The following MRM3 variants were observed in gnomAD, a reference collection of about 807,000 sequenced individuals.
MRM3 encodes mitochondrial rRNA methyltransferase 3.
In MRM3, 26 loss-of-function variants were observed where a neutral mutation model predicts 29.4. That is an observed-to-expected ratio of 0.89 (90% CI 0.65 to 1.23). The LOEUF is 1.23. MRM3 is among the 50% of genes most tolerant of loss of function. The probability of loss-of-function intolerance (pLI) is 0.00; values close to 1 mark genes in which losing one functional copy is unlikely to be tolerated. For missense variants in MRM3, 578 were observed against 540.2 expected (o/e 1.07, Z -0.69); for synonymous variants, 225 against 219.0 (o/e 1.03, Z -0.24).
rs763605359 is a variant in MRM3 at position 791,558 on chromosome 17, A to G, written c.752A>G (p.Lys251Arg). The G allele has an allele frequency of 2.2e-5, 36 of 1,613,634 alleles. No individual in the cohort carries two copies. Among genetic ancestry groups the G allele is most frequent in the Admixed American group, 3.3e-5 (2 of 59,996 alleles). The part of the protein sequence containing the change: ...TKGCVDAWEP[K>R]VLRAGMGAHF... Reference sequence around the variant, plus strand: ...GGCTGTGTGGATGCCTGGGAGCCCAAAGTGCTCCGGGCGGGTATGGGCGCA... The same window carrying G: ...GGCTGTGTGGATGCCTGGGAGCCCAGAGTGCTCCGGGCGGGTATGGGCGCA... The change falls in exon 4 of 4, where the codon AAA becomes AGA. Residue 251 changes from lysine to arginine, a missense_variant. Transcript: ENST00000304478.
At chr17:783,058 T>G (rs758705940) in intron 1 of MRM3, 25 bp from the exon 2 acceptor site, 206 of 865,252 alleles carry the variant, frequency 2.4e-4, no homozygotes, top group East Asian at 1.3e-3. Context: ...AGTTACCTGT[T>G]TTTTTTTTTT....
Position 782,599 on chromosome 17 carries a change from A to C in MRM3, c.221A>C (p.Gln74Pro), listed in dbSNP as rs913501867. The part of the protein sequence containing the change: ...EASAQEQREK[Q>P]PLEESASRAP... Reference sequence around the variant, plus strand: ...AGTGCCCAGGAGCAACGAGAGAAACAACCGCTCGAGGAGTCCGCATCCCGC... The same window carrying C: ...AGTGCCCAGGAGCAACGAGAGAAACCACCGCTCGAGGAGTCCGCATCCCGC... The change falls in exon 1 of 4, where the codon CAA becomes CCA. Residue 74 changes from glutamine to proline, a missense_variant. By Grantham distance (76) the Gln-to-Pro change is moderately conservative (BLOSUM62 -1). Transcript: ENST00000304478. 1.4e-5 allele frequency: 22 copies of C among 1,613,960 alleles called. No individual in the cohort carries two copies. The highest frequency in any genetic ancestry group is 1.8e-5 in the Non-Finnish European group (21 of 1,180,026).
chr17:791,535 CTG>C lies in MRM3; in HGVS notation c.734_735del (p.Val245GlyfsTer23). On this transcript the variant is annotated frameshift_variant and splice_region_variant, in exon 4 of 4. Coordinates refer to ENST00000304478, the MANE Select transcript of MRM3 (RefSeq NM_018146.4). LOFTEE classifies it high-confidence loss of function. ...GCSKVLLTKG[C>X]VDAWEPKVLR... ...GATTGTTTCCTTTTTATTTTCCAGGCTGTGTGGATGCCTGGGAGCCCAAAGTG... is the reference window on the plus strand; with the variant it reads ...GATTGTTTCCTTTTTATTTTCCAGGCTGTGGATGCCTGGGAGCCCAAAGTG... 6.2e-7 allele frequency: 1 copy of C among 1,611,730 alleles called. No homozygotes were observed. The highest frequency in any genetic ancestry group is 8.5e-7 in the Non-Finnish European group (1 of 1,178,354).
intron 2 of MRM3, among the ~76,000 whole-genome samples, chr17:786,723 A>G (rs1218749188): frequency 6.6e-6 from 1 of 152,162 alleles, no homozygotes; most frequent in East Asian, 1.9e-4. Context: ...ACAGGTATTT[A>G]TGAGTTCCTG....
intron 1 of MRM3, 140 bp from the exon 2 acceptor site, chr17:782,943 C>T (rs1164918874): frequency 1.2e-5 from 15 of 1,266,914 alleles, no homozygotes; most frequent in Non-Finnish European, 1.6e-5. Flanking sequence ...CCGCCTCGGC[C>T]TCCCAATGTG....
intron 3 of MRM3, 111 bp downstream of exon 3, chr17:788,243 C>G: frequency 3.0e-6 from 3 of 1,004,156 alleles, no homozygotes; most frequent in Non-Finnish European, 4.4e-6. Flanking sequence ...TCCTGGGCAA[C>G]ATAGTGAGAC....
rs150450629 is a variant in MRM3 at position 791,970 on chromosome 17, C to T, written c.1164C>T (p.Ser388=). Residue 388 remains serine (S), a synonymous_variant, in exon 4 of 4, where the codon AGC becomes AGT. Transcript: ENST00000304478. ...TCCCCGTTGTGCCTGGTGTGGACAGCCTCAACTCGGCCATGGCGGCAAGCA... is the reference window on the plus strand; with the variant it reads ...TCCCCGTTGTGCCTGGTGTGGACAGTCTCAACTCGGCCATGGCGGCAAGCA... ...LLIPVVPGVD[S]LNSAMAASIL... is the part of the protein sequence containing the mutation. The T allele has an allele frequency of 1.4e-4, 226 of 1,614,044 alleles. No homozygotes were observed. In the African/African-American group the frequency reaches 1.5e-3, roughly 10 times the overall value.
chr17:783,094 C>T lies in MRM3; in HGVS notation c.326C>T (p.Thr109Ile), dbSNP rs376823051. Reference sequence around the variant, plus strand: ...ATTTCCATCTACAGCAGTGTAATGACAATAGTAAAGTCCAGGCCATTTCGG... The same window carrying T: ...ATTTCCATCTACAGCAGTGTAATGATAATAGTAAAGTCCAGGCCATTTCGG... The part of the protein sequence containing the change: ...PGDRRLSSVM[T>I]IVKSRPFREK... Residue 109 changes from threonine (T) to isoleucine (I), a missense_variant, in exon 2 of 4, where the codon ACA becomes ATA. Thr to Ile is a moderately conservative substitution (Grantham distance 89). Coordinates refer to ENST00000304478, the MANE Select transcript of MRM3 (RefSeq NM_018146.4). 9 of 1,611,778 alleles carry T rather than the reference C, an allele frequency of 5.6e-6. No homozygotes were observed. The East Asian group carries it at 8.9e-5, about 16-fold the overall frequency.
At chr17:784,220 C>T (rs1034987064) in intron 2 of MRM3, among the ~76,000 whole-genome samples, 4 of 152,162 alleles carry the variant, frequency 2.6e-5, no homozygotes, top group Non-Finnish European at 5.9e-5. Context: ...AAAACTGAAT[C>T]CTTGAACTGC....
At chr17:782,978 G>C (rs1910237696) in intron 1 of MRM3, 105 bp from the exon 2 acceptor site, 1 of 1,457,014 alleles carries the variant, frequency 6.9e-7, no homozygotes, top group Non-Finnish European at 9.1e-7. Context: ...GTGAGCCACC[G>C]CGCCCGGCCC....
chr17:784,457 T>C (rs1045199844), intron 2 of MRM3, among the ~76,000 whole-genome samples: 4 of 151,994 alleles, frequency 2.6e-5, no homozygotes, highest in Admixed American at 6.5e-5. Flanking sequence ...GCTTGTCACT[T>C]GGGGCAGGTG....
At position 791,841 on chromosome 17, in the gene MRM3, C is replaced by T; in HGVS notation, c.1035C>T (p.Asp345=). The part of the protein sequence containing the change: ...PHVEVQSYDS[D]WTEAPAAVVI... The stretch of plus-strand genomic sequence containing the variant: ...TTGAGGTTCAGAGTTACGACTCGGA[C>T]TGGACAGAGGCGCCGGCAGCTGTGG... Residue 345 remains aspartate, a synonymous_variant, in exon 4 of 4, where the codon GAC becomes GAT. Transcript: ENST00000304478. 6.2e-7 allele frequency: 1 copy of T among 1,614,180 alleles called. No individual in the cohort carries two copies. Among genetic ancestry groups the T allele is most frequent in the Non-Finnish European group, 8.5e-7 (1 of 1,180,042 alleles).
At position 788,132 on chromosome 17, in the gene MRM3, G is replaced by A. The variant is rs1910626502; in HGVS notation, c.727G>A (p.Gly243Ser). 3 of 1,613,920 alleles carry A rather than the reference G, an allele frequency of 1.9e-6. No individual in the cohort carries two copies. Among genetic ancestry groups the A allele is most frequent in the South Asian group, 1.1e-5 (1 of 91,078 alleles). The change falls in exon 3 of 4, where the codon GGC (glycine) becomes AGC (serine). Residue 243 changes from glycine to serine, a missense_variant and splice_region_variant. Physicochemically the swap from Gly to Ser is moderately conservative, Grantham distance 56. Coordinates refer to ENST00000304478, the MANE Select transcript of MRM3 (RefSeq NM_018146.4). The part of the protein sequence containing the change: ...AGCSKVLLTK[G>S]CVDAWEPKVL... ...CTGCAGCAAAGTGTTACTCACCAAAGGTAAGGACATCAAAGGCCAGGCATA... is the reference window on the plus strand; with the variant it reads ...CTGCAGCAAAGTGTTACTCACCAAAAGTAAGGACATCAAAGGCCAGGCATA...
Position 788,072 on chromosome 17 carries a change from C to T in MRM3, c.667C>T (p.Leu223=), listed in dbSNP as rs1910622344. The T allele has an allele frequency of 1.2e-6, 2 of 1,614,186 alleles. No individual in the cohort carries two copies. The highest frequency in any genetic ancestry group is 1.7e-6 in the Non-Finnish European group (2 of 1,180,038). Residue 223 remains leucine, a synonymous_variant, in exon 3 of 4, where the codon CTG becomes TTG. Coordinates refer to ENST00000304478, the MANE Select transcript of MRM3 (RefSeq NM_018146.4). ...ICDNLRDPGN[L]GTILRSAAGA... is the part of the protein sequence containing the mutation. The stretch of plus-strand genomic sequence containing the variant: ...TGACAATCTCCGTGACCCTGGGAAC[C>T]TGGGGACAATTCTGAGATCTGCAGC...
rs1241594669 is a variant in MRM3 at position 791,938 on chromosome 17, C to T, written c.1132C>T (p.Leu378=). 6.2e-7 allele frequency: 1 copy of T among 1,613,924 alleles called. No homozygotes were observed. The highest frequency in any genetic ancestry group is 8.5e-7 in the Non-Finnish European group (1 of 1,180,042). Residue 378 remains leucine (L), a synonymous_variant, in exon 4 of 4, where the codon CTG becomes TTG. Coordinates refer to ENST00000304478, the MANE Select transcript of MRM3 (RefSeq NM_018146.4). ...GGCCGAGAGCACTGGTGGCAAGAGG[C>T]TGCTGATCCCCGTTGTGCCTGGTGT... ...QLAESTGGKR[L]LIPVVPGVDS...
At position 783,204 on chromosome 17, in the gene MRM3, T is replaced by C; in HGVS notation, c.436T>C (p.Phe146Leu). 1 of 1,614,166 alleles carries C rather than the reference T, an allele frequency of 6.2e-7. No individual in the cohort carries two copies. The highest frequency in any genetic ancestry group is 1.7e-5 in the Admixed American group (1 of 60,026). Residue 146 changes from phenylalanine to leucine, a missense_variant, in exon 2 of 4, where the codon TTT becomes CTT. Phe to Leu is a conservative substitution (Grantham distance 22). Coordinates refer to ENST00000304478, the MANE Select transcript of MRM3 (RefSeq NM_018146.4). ...TGGAGCTGTGCCAAAAATGTTCTTC[T>C]TTAGCCGTCTAGAATACCTAAAGGA... ...KAGAVPKMFF[F>L]SRLEYLKELP...
chr17:783,287 C>G lies in MRM3; in HGVS notation c.519C>G (p.Ile173Met), dbSNP rs1188662677. 1.9e-6 allele frequency: 3 copies of G among 1,612,948 alleles called. No individual in the cohort carries two copies. The highest frequency in any genetic ancestry group is 2.5e-6 in the Non-Finnish European group (3 of 1,179,540). Residue 173 changes from isoleucine to methionine, a missense_variant, in exon 2 of 4, where the codon ATC (isoleucine) becomes ATG (methionine). By Grantham distance (10) the Ile-to-Met change is conservative. Coordinates refer to ENST00000304478, the MANE Select transcript of MRM3 (RefSeq NM_018146.4). ...VSLIKVKFED[I>M]KDWSDLVTPQ... is the part of the protein sequence containing the mutation. ...TCATTAAGGTGAAATTTGAGGATAT[C>G]AAGGATTGGTCCGACCTCGTAACGC...
At chr17:789,370 C>A (rs1484943585) in intron 3 of MRM3, among the ~76,000 whole-genome samples, 1 of 152,172 alleles carries the variant, frequency 6.6e-6, no homozygotes, top group Non-Finnish European at 1.5e-5. Flanking sequence ...CCTTAGATTC[C>A]CTTAGCCTCA....
At chr17:785,538 G>C (rs1469480156) in intron 2 of MRM3, among the ~76,000 whole-genome samples, 2 of 152,088 alleles carry the variant, frequency 1.3e-5, no homozygotes, top group African/African-American at 4.8e-5. Flanking sequence ...CTTTGTATTA[G>C]ACTGAGGACA....
Sources: gnomAD v4.1 joint callset for allele counts (sites outside exome capture counted in the v4.1 genomes callset) on GRCh38, gnomAD v4.1.1 for gene constraint, MANE v1.5 for transcripts, NCBI Gene and HGNC (gene_info 2026-07-23, HGNC 2026-07-21) for gene names.